Variants in BTBD2 observed in about 807,000 individuals in gnomAD.
BTBD2 encodes the protein BTB/POZ domain-containing protein 2.
Under a neutral mutation model 44.0 loss-of-function variants are expected in BTBD2, and 15 were observed. That is an observed-to-expected ratio of 0.34 (90% CI 0.23 to 0.53). The LOEUF (loss-of-function observed/expected upper bound fraction) is 0.53, where lower values mean the gene tolerates loss of function less well. Ranked by LOEUF, BTBD2 falls within the 20% of genes least tolerant of loss-of-function variation. The pLI is 0.95. For missense variants in BTBD2, 657 were observed against 746.4 expected, an observed-to-expected ratio of 0.88 and a Z score of 1.39; for synonymous variants, 443 against 335.9, an observed-to-expected ratio of 1.32 and a Z score of -3.49.
intron 1 of BTBD2, among the ~76,000 whole-genome samples, chr19:2,011,877 CAG>C (rs951051401): frequency 3.3e-4 from 50 of 151,564 alleles, no homozygotes; most frequent in African/African-American, 1.1e-3. Context: ...TTTTTTGAGA[CAG>C]AGTCTTGCTC....
At chr19:2,011,550 G>C (rs2016465170) in intron 1 of BTBD2, among the ~76,000 whole-genome samples, 1 of 152,108 alleles carries the variant, frequency 6.6e-6, no homozygotes, top group Non-Finnish European at 1.5e-5. Flanking sequence ...TTGCTCAGGG[G>C]GTCGTTCTGG....
At chr19:2,007,015 G>A (rs1056511023) in intron 1 of BTBD2, among the ~76,000 whole-genome samples, 1 of 152,066 alleles carries the variant, frequency 6.6e-6, no homozygotes, top group Non-Finnish European at 1.5e-5. Context: ...TCGCCACCAC[G>A]CCCGGCTAAT....
At chr19:1,993,551 T>C (rs1200053213) in intron 2 of BTBD2, among the ~76,000 whole-genome samples, 1 of 151,858 alleles carries the variant, frequency 6.6e-6, no homozygotes, top group African/African-American at 2.4e-5. Flanking sequence ...GTTCCCCACC[T>C]CGGGCACCAC....
chr19:1,986,416 C>A lies in BTBD2; in HGVS notation c.*72G>T. On this transcript the variant is annotated 3_prime_UTR_variant, in exon 9 of 9. Coordinates refer to ENST00000255608, the MANE Select transcript of BTBD2 (RefSeq NM_017797.4). Reference sequence around the variant, plus strand: ...GGCCTGGCACCGCGTGGTGGGGGGGCCCCAGCAGCAGATGATGGCCTGGGG... The same window carrying A: ...GGCCTGGCACCGCGTGGTGGGGGGGACCCAGCAGCAGATGATGGCCTGGGG... 6.3e-7 allele frequency: 1 copy of A among 1,579,866 alleles called. No homozygotes were observed.
rs2016201758 is a variant in BTBD2, at chr19:1,993,005, A to G, written c.684+15T>C. ...AGGCCTGGCCCCGCCCCCGCCTCGT[A>G]CCGGCCCCGCCCACCTGCGTGAGCA... On this transcript the variant is annotated intron_variant, in intron 3 of 8. Coordinates refer to ENST00000255608, the MANE Select transcript of BTBD2 (RefSeq NM_017797.4). 1.5e-6 allele frequency: 2 copies of G among 1,367,736 alleles called. No individual in the cohort carries two copies. The highest frequency in any genetic ancestry group is 1.6e-5 in the African/African-American group (1 of 61,960). 84.7% of individuals were successfully genotyped at this position (1,367,736 alleles called of 1,614,324 possible).
chr19:2,006,429 C>T (rs1267643306), intron 1 of BTBD2, among the ~76,000 whole-genome samples: 1 of 151,762 alleles, frequency 6.6e-6, no homozygotes, highest in Non-Finnish European at 1.5e-5. Context: ...ATCACTTGAA[C>T]CCAGGAAGCG....
intron 5 of BTBD2, chr19:1,988,490 A>G (rs1385204957): frequency 6.6e-6 from 1 of 152,296 alleles, no homozygotes; most frequent in African/African-American, 2.4e-5. Flanking sequence ...ACAGTTTAAT[A>G]ACTGGTGAGA....
Position 1,990,826 on chromosome 19 carries a change from G to A in BTBD2, c.685-4C>T, listed in dbSNP as rs8102506. 0.13 allele frequency: 204,312 copies of A among 1,557,772 alleles called. 18,979 individuals carry two copies. The highest frequency in any genetic ancestry group is 0.49 in the African/African-American group (35,912 of 73,300). The stretch of plus-strand genomic sequence containing the variant: ...GCGGTTCATCGAAGAGTCGCGCCTG[G>A]CAAGAGACATCGACGGGGGGCGCGG... On this transcript the variant is annotated splice_polypyrimidine_tract_variant and splice_region_variant and intron_variant, in intron 3 of 8. Coordinates refer to ENST00000255608, the MANE Select transcript of BTBD2 (RefSeq NM_017797.4).
intron 3 of BTBD2, among the ~76,000 whole-genome samples, chr19:1,992,551 G>T (rs1008414388): frequency 6.6e-6 from 1 of 151,182 alleles, no homozygotes; most frequent in Non-Finnish European, 1.5e-5. Context: ...ATAATTTTTT[G>T]AAGTATCACG....
chr19:1,997,729 TCC>T (rs1361332915), intron 1 of BTBD2, among the ~76,000 whole-genome samples: 7 of 152,308 alleles, frequency 4.6e-5, no homozygotes, highest in African/African-American at 1.7e-4. Context: ...GCCCTCACCA[TCC>T]TCTCTCTTTC....
chr19:2,014,362 T>C (rs1260566994), intron 1 of BTBD2: 3 of 148,478 alleles, frequency 2.0e-5, no homozygotes, highest in Admixed American at 1.3e-4. Flanking sequence ...GAGGAGCAGA[T>C]AGGGGTACAC....
At chr19:2,007,484 ACAG>A (rs2016409133) in intron 1 of BTBD2, among the ~76,000 whole-genome samples, 1 of 152,128 alleles carries the variant, frequency 6.6e-6, no homozygotes, top group African/African-American at 2.4e-5. Context: ...TGTTTTACAC[ACAG>A]TCAAGGTCTC....
At chr19:1,990,479 T>C (rs1218450772) in intron 4 of BTBD2, 5 of 608,458 alleles carry the variant, frequency 8.2e-6, no homozygotes, top group Non-Finnish European at 1.4e-5. Flanking sequence ...CCATGGACCA[T>C]CGGAGGACGA....
At chr19:1,990,660 G>C in intron 4 of BTBD2, 57 bp downstream of exon 4, 1 of 1,474,962 alleles carries the variant, frequency 6.8e-7, no homozygotes, top group Non-Finnish European at 9.2e-7. Context: ...GTCAATCCCC[G>C]GACCCTCCCG....
chr19:1,986,854 G>A lies in BTBD2; in HGVS notation c.1392C>T (p.Asn464=). The A allele has an allele frequency of 6.2e-7, 1 of 1,611,490 alleles. No individual in the cohort carries two copies. Among genetic ancestry groups the A allele is most frequent in the Non-Finnish European group, 8.5e-7 (1 of 1,179,362 alleles). ...CCTTGAGCGTGGCACAGGCCGTGTAGTTGACGTTGGGCAGCACCTCCACCG... is the reference window on the plus strand; with the variant it reads ...CCTTGAGCGTGGCACAGGCCGTGTAATTGACGTTGGGCAGCACCTCCACCG... The part of the protein sequence containing the change: ...KEPVEVLPNV[N]YTACATLKGP... Residue 464 remains asparagine (N), a synonymous_variant, in exon 8 of 9, where the codon AAC becomes AAT. Transcript: ENST00000255608.
chr19:1,989,822 G>A (rs932488838), intron 5 of BTBD2, 182 bp downstream of exon 5: 14 of 673,604 alleles, frequency 2.1e-5, no homozygotes, highest in Non-Finnish European at 2.8e-5. Flanking sequence ...GACAGAGCCG[G>A]GCCGGGGCTA....
chr19:1,995,300 G>C (rs1477530308), intron 2 of BTBD2, among the ~76,000 whole-genome samples: 2 of 72,364 alleles, frequency 2.8e-5, no homozygotes, highest in Non-Finnish European at 5.9e-5. Flanking sequence ...TTTTTTTTTT[G>C]AGAGGGAGTC....
intron 2 of BTBD2, among the ~76,000 whole-genome samples, chr19:1,993,549 C>A (rs1344944154): frequency 2.0e-5 from 3 of 152,060 alleles, no homozygotes; most frequent in African/African-American, 7.2e-5. Context: ...TGGTTCCCCA[C>A]CTCGGGCACC....
intron 1 of BTBD2, among the ~76,000 whole-genome samples, chr19:2,011,839 G>T (rs1023832381): frequency 5.3e-5 from 8 of 151,778 alleles, no homozygotes; most frequent in Non-Finnish European, 1.0e-4. Context: ...CAGCAAACAG[G>T]ATTTCTCCTT....
Sources: allele counts gnomAD v4.1 joint callset (sites outside exome capture counted in the v4.1 genomes callset), GRCh38; gene constraint gnomAD v4.1.1; transcripts MANE v1.5; gene names NCBI Gene and HGNC (gene_info 2026-07-23, HGNC 2026-07-21).